PER3: variants seen among roughly 807,000 people sequenced by gnomAD.
PER3 encodes the protein period circadian regulator 3, also known as period circadian protein homolog 3.
Under a neutral mutation model 127.2 loss-of-function variants are expected in PER3, and 107 were observed. That is an observed-to-expected ratio of 0.84 (90% CI 0.72 to 0.99). PER3 has a LOEUF of 0.99. Among genes scored for constraint, PER3 ranks in the 50% least tolerant of loss-of-function variants. PER3 has a pLI of 0.00. For missense variants in PER3, 1,560 were observed against 1,525.8 expected (o/e 1.02, Z -0.37); for synonymous variants, 618 against 585.8 (o/e 1.05, Z -0.79).
chr1:7,842,573 G>A, intron 21 of PER3, 99 bp from the exon 22 acceptor site: 1 of 1,337,240 alleles, frequency 7.5e-7, no homozygotes, highest in Non-Finnish European at 1.0e-6. Context: ...ACATGAATAA[G>A]TTGGGGATTT....
At chr1:7,800,463 G>A (rs2097165828) in intron 7 of PER3, among the ~76,000 whole-genome samples, 2 of 151,922 alleles carry the variant, frequency 1.3e-5, no homozygotes, top group Admixed American at 1.3e-4. Context: ...CTCCCAAAGT[G>A]CTGGGATTAC....
chr1:7,815,991 CAAAAAAAAAAAAAAAAAAAAAAA>C lies in PER3; in HGVS notation c.1523-3290_1523-3268del, dbSNP rs34144861. Among the ~76,000 whole-genome samples the C allele has an allele frequency of 4.4e-5, 3 of 67,680 alleles. No homozygotes were observed. In the Admixed American group the frequency reaches 6.4e-4, roughly 14 times the overall value. The allele number at this position is 67,680 out of a possible 152,430, so 44.4% of individuals were successfully genotyped here. A position where few individuals can be genotyped will look rare whatever the true frequency, so the allele number is the denominator to read the frequency against. Reference sequence around the variant, plus strand: ...CTGGGCGACAGAGCGGACTCCGTCTCAAAAAAAAAAAAAAAAAAAAAAAAAATTGAATTGAACAAAATGAAAAG... The same window carrying C: ...CTGGGCGACAGAGCGGACTCCGTCTCAAATTGAATTGAACAAAATGAAAAG... On this transcript the variant is annotated intron_variant, in intron 13 of 21. Transcript: ENST00000377532.
chr1:7,793,864 A>T, intron 5 of PER3, 93 bp from the exon 6 acceptor site: 1 of 1,075,258 alleles, frequency 9.3e-7, no homozygotes, highest in South Asian at 1.3e-5. Context: ...TCTCTTTTAA[A>T]AAATAGTTTG....
chr1:7,788,070 T>A lies in PER3; in HGVS notation c.416T>A (p.Phe139Tyr). 1.2e-6 allele frequency: 2 copies of A among 1,613,290 alleles called. No homozygotes were observed. Among genetic ancestry groups the A allele is most frequent in the African/African-American group, 1.3e-5 (1 of 75,022 alleles). Residue 139 changes from phenylalanine to tyrosine, a missense_variant, in exon 5 of 22, where the codon TTT becomes TAT. Coordinates refer to ENST00000377532, the MANE Select transcript of PER3 (RefSeq NM_001377275.1). Reference sequence around the variant, plus strand: ...GATACCTTTGTGGCAGTATTTTCATTTCTGTCTGGAAGGTTAGTGCACATT... The same window carrying A: ...GATACCTTTGTGGCAGTATTTTCATATCTGTCTGGAAGGTTAGTGCACATT... ...NTDTFVAVFSFLSGRLVHISE... is the reference protein window; with the variant it reads ...NTDTFVAVFSYLSGRLVHISE...
At chr1:7,804,244 TGAAAG>T (rs1485028761) in intron 10 of PER3, among the ~76,000 whole-genome samples, 7 of 151,734 alleles carry the variant, frequency 4.6e-5, no homozygotes, top group South Asian at 2.1e-4. Context: ...AAAAGAGAAT[TGAAAG>T]GAAATAAAAT....
At chr1:7,791,127 T>TG (rs1491193113) in intron 5 of PER3, among the ~76,000 whole-genome samples, 1 of 152,246 alleles carries the variant, frequency 6.6e-6, no homozygotes, top group African/African-American at 2.4e-5. Flanking sequence ...CAGTGAAGAC[T>TG]GTGTGGGCTC....
At chr1:7,833,510 T>C (rs534045603) in intron 19 of PER3, among the ~76,000 whole-genome samples, 3 of 152,348 alleles carry the variant, frequency 2.0e-5, no homozygotes, top group African/African-American at 7.2e-5. Flanking sequence ...TCCTGAAATA[T>C]GTCTTGCTTT....
intron 21 of PER3, 154 bp from the exon 22 acceptor site, chr1:7,842,518 A>T: frequency 2.0e-6 from 1 of 510,252 alleles, no homozygotes; most frequent in Non-Finnish European, 2.5e-6. Context: ...AAATAAAAAT[A>T]GTTATAATAA....
chr1:7,825,644 C>A (rs998819959), intron 16 of PER3, among the ~76,000 whole-genome samples: 1 of 152,174 alleles, frequency 6.6e-6, no homozygotes, highest in Non-Finnish European at 1.5e-5. Flanking sequence ...ATAATCCCAG[C>A]GCTTTGGGAG....
chr1:7,820,535 G>A lies in PER3; in HGVS notation c.1852G>A (p.Gly618Arg), dbSNP rs1307084466. The change falls in exon 16 of 22, where the codon GGA (glycine) becomes AGA (arginine). Residue 618 changes from glycine to arginine, a missense_variant. By Grantham distance (125) the Gly-to-Arg change is moderately radical. Transcript: ENST00000377532. The stretch of plus-strand genomic sequence containing the variant: ...AAATGGACGGTCCATAGACACAGGA[G>A]GAGGAGCTCCACAGATCCTGTCCAC... ...PTNGRSIDTG[G>R]GAPQILSTAM... The A allele has an allele frequency of 2.5e-6, 4 of 1,614,040 alleles. No homozygotes were observed.
chr1:7,827,161 A>AG lies in PER3; in HGVS notation c.2235dup (p.Lys746GlufsTer117). 1.9e-6 allele frequency: 3 copies of AG among 1,610,388 alleles called. No homozygotes were observed. The highest frequency in any genetic ancestry group is 2.5e-6 in the Non-Finnish European group (3 of 1,178,620). On this transcript the variant is annotated frameshift_variant, in exon 18 of 22. Transcript: ENST00000377532. LOFTEE classifies it high-confidence loss of function. ...AGACGCGGTCGGCCGGCTGCAGGAA[A>AG]GGGAAGCACAAGCGGAAGAAGCTGC...
In PER3 at chr1:7,801,181, G is replaced by A. The variant is rs570275668; in HGVS notation, c.862G>A (p.Val288Ile). The A allele has an allele frequency of 1.3e-6, 2 of 1,578,914 alleles. No individual in the cohort carries two copies. Among genetic ancestry groups the A allele is most frequent in the Admixed American group, 3.5e-5 (2 of 57,202 alleles). The change falls in exon 8 of 22, where the codon GTA (valine) becomes ATA (isoleucine). Residue 288 changes from valine to isoleucine, a missense_variant. Around this residue, in one of 3 missense-constraint regions of PER3, gnomAD observed 1,332 missense variants for 1,223.6 expected, o/e 1.09. Transcript: ENST00000377532. ...THTPGCVFLE[V>I]DEKAVPLLGY... ...CACCCCAGGGTGTGTTTTTCTTGAA[G>A]TAGATGAAAAGTAAGTACTTCTTTA...
intron 19 of PER3, among the ~76,000 whole-genome samples, chr1:7,830,604 C>T (rs147643370): frequency 2.4e-3 from 366 of 152,256 alleles, no homozygotes; most frequent in Middle Eastern, 6.8e-3. Flanking sequence ...TTGAGATGCA[C>T]GCTCAATAGC....
intron 9 of PER3, among the ~76,000 whole-genome samples, chr1:7,803,416 C>T (rs1010085956): frequency 7.3e-6 from 1 of 136,958 alleles, no homozygotes; most frequent in African/African-American, 2.8e-5. Flanking sequence ...TGGTGTAACC[C>T]ATCTATACTA....
In PER3 at chr1:7,785,475, C is replaced by CT; in HGVS notation, c.165dup (p.Ile56TyrfsTer18). On this transcript the variant is annotated frameshift_variant, in exon 3 of 22. Coordinates refer to ENST00000377532, the MANE Select transcript of PER3 (RefSeq NM_001377275.1). LOFTEE classifies it high-confidence loss of function. ...AGATCGAAACAGAGTTTCTGAAGAACTTATCATGGTTGTCCAAGAAATGAA... is the reference window on the plus strand; with the variant it reads ...AGATCGAAACAGAGTTTCTGAAGAACTTTATCATGGTTGTCCAAGAAATGAA... The CT allele has an allele frequency of 6.2e-7, 1 of 1,612,604 alleles. No individual in the cohort carries two copies. Among genetic ancestry groups the CT allele is most frequent in the Non-Finnish European group, 8.5e-7 (1 of 1,178,626 alleles).
chr1:7,798,977 G>A (rs2097158142), intron 7 of PER3, among the ~76,000 whole-genome samples: 1 of 152,172 alleles, frequency 6.6e-6, no homozygotes, highest in Non-Finnish European at 1.5e-5. Flanking sequence ...TTTTGCTTGT[G>A]TTGTGTGAAA....
chr1:7,818,675 GT>G (rs774987249), intron 13 of PER3, among the ~76,000 whole-genome samples: 1 of 152,198 alleles, frequency 6.6e-6, no homozygotes, highest in Non-Finnish European at 1.5e-5. Context: ...CTTGCCACAT[GT>G]GGCAATTTAA....
chr1:7,831,812 A>C (rs2097332738), intron 19 of PER3, among the ~76,000 whole-genome samples: 1 of 152,216 alleles, frequency 6.6e-6, no homozygotes, highest in African/African-American at 2.4e-5. Context: ...GCATTATTGC[A>C]TCTCTGTGCA....
At chr1:7,828,139 A>G (rs1256444667) in intron 18 of PER3, among the ~76,000 whole-genome samples, 1 of 152,218 alleles carries the variant, frequency 6.6e-6, no homozygotes, top group Non-Finnish European at 1.5e-5. Flanking sequence ...TTAAGTGTTC[A>G]TTGCCTATAA....
Sources: allele counts gnomAD v4.1 joint callset (sites outside exome capture counted in the v4.1 genomes callset), GRCh38; gene constraint gnomAD v4.1.1; regional missense constraint gnomAD v4.1.1; transcripts MANE v1.5; gene names NCBI Gene and HGNC (gene_info 2026-07-23, HGNC 2026-07-21).